CNST: variants seen among roughly 807,000 people sequenced by gnomAD.
CNST encodes consortin.
Under a neutral mutation model 72.4 loss-of-function variants are expected in CNST, and 39 were observed. The observed-to-expected ratio is 0.54, with a 90% CI of 0.42 to 0.70. The LOEUF (loss-of-function observed/expected upper bound fraction) is 0.70. Among genes scored for constraint, CNST ranks in the 30% least tolerant of loss-of-function variants. CNST has a pLI of 0.00. For missense variants in CNST, 871 were observed against 868.5 expected, an observed-to-expected ratio of 1.00 and a Z score of -0.04; for synonymous variants, 332 against 320.1, an observed-to-expected ratio of 1.04 and a Z score of -0.40.
intron 8 of CNST, 105 bp from the exon 9 acceptor site, chr1:246,647,034 G>A: frequency 3.9e-6 from 4 of 1,020,500 alleles, no homozygotes; most frequent in Middle Eastern, 2.5e-4. Flanking sequence ...CCATTTGAAA[G>A]GGTTAGAATA....
At chr1:246,592,939 CAT>C (rs1479749093) in intron 2 of CNST, among the ~76,000 whole-genome samples, 14 of 152,284 alleles carry the variant, frequency 9.2e-5, no homozygotes, top group African/African-American at 2.6e-4. Flanking sequence ...TTATCAGAAA[CAT>C]ATGGGACTAG....
chr1:246,632,057 GT>G, intron 4 of CNST, 133 bp downstream of exon 4: 1 of 589,986 alleles, frequency 1.7e-6, no homozygotes, highest in Non-Finnish European at 3.0e-6. Context: ...ACAGTTGTAT[GT>G]ACCCGTGTAA....
chr1:246,658,297 A>G (rs4402097), intron 9 of CNST, among the ~76,000 whole-genome samples: 40,977 of 152,084 alleles, frequency 0.27, 6,150 homozygotes, highest in African/African-American at 0.4. Flanking sequence ...CAAGGTGCTT[A>G]TAAAACCTGT....
At chr1:246,665,671 T>C in intron 10 of CNST, 29 bp from the exon 11 acceptor site, 1 of 1,589,806 alleles carries the variant, frequency 6.3e-7, no homozygotes, top group Non-Finnish European at 8.6e-7. Context: ...TCGGTGACAA[T>C]GTAACCTCAC....
At chr1:246,651,154 T>G (rs996111731) in intron 9 of CNST, among the ~76,000 whole-genome samples, 1 of 152,184 alleles carries the variant, frequency 6.6e-6, no homozygotes, top group Non-Finnish European at 1.5e-5. Context: ...TTATGCTTCC[T>G]TCCGTTTGTG....
intron 6 of CNST, among the ~76,000 whole-genome samples, chr1:246,635,732 T>A (rs1665174824): frequency 6.6e-6 from 1 of 152,202 alleles, no homozygotes; most frequent in African/African-American, 2.4e-5. Context: ...GTCTAATTAT[T>A]CTATTTAGCA....
At chr1:246,663,476 T>C (rs1017961704) in intron 10 of CNST, among the ~76,000 whole-genome samples, 5 of 152,088 alleles carry the variant, frequency 3.3e-5, no homozygotes, top group East Asian at 1.9e-4. Context: ...CGTGGTGGCT[T>C]ATGCCTGTAA....
At chr1:246,614,346 TTG>T in intron 2 of CNST, among the ~76,000 whole-genome samples, 1 of 152,180 alleles carries the variant, frequency 6.6e-6, no homozygotes, top group East Asian at 1.9e-4. Context: ...CTGTGGCATC[TTG>T]TCAGCACTAA....
intron 2 of CNST, among the ~76,000 whole-genome samples, chr1:246,616,089 A>G (rs1459659035): frequency 6.6e-6 from 1 of 152,216 alleles, no homozygotes; most frequent in Non-Finnish European, 1.5e-5. Flanking sequence ...GATGACAACG[A>G]TAAATAGAAC....
At position 246,647,340 on chromosome 1, in the gene CNST, C is replaced by G. The variant is rs1295451944; in HGVS notation, c.1139C>G (p.Thr380Arg). 7 of 1,614,134 alleles carry G rather than the reference C, an allele frequency of 4.3e-6. No homozygotes were observed. Among genetic ancestry groups the G allele is most frequent in the African/African-American group, 1.3e-5 (1 of 75,058 alleles). ...TLALHTQSSETAGSPSGPDSS... is the reference protein window; with the variant it reads ...TLALHTQSSERAGSPSGPDSS... ...GCGCTCCACACCCAGTCCTCCGAGACAGCAGGGAGCCCGTCTGGGCCAGAC... is the reference window on the plus strand; with the variant it reads ...GCGCTCCACACCCAGTCCTCCGAGAGAGCAGGGAGCCCGTCTGGGCCAGAC... Residue 380 changes from threonine (T) to arginine (R), a missense_variant, in exon 9 of 11, where the codon ACA becomes AGA. Coordinates refer to ENST00000366513, the MANE Select transcript of CNST (RefSeq NM_152609.3).
chr1:246,616,648 G>A (rs1037687026), intron 2 of CNST, among the ~76,000 whole-genome samples: 1 of 152,050 alleles, frequency 6.6e-6, no homozygotes, highest in Non-Finnish European at 1.5e-5. Flanking sequence ...TTCGCCTCCC[G>A]GGTTCAAGCA....
intron 6 of CNST, among the ~76,000 whole-genome samples, chr1:246,640,344 A>T (rs1665604285): frequency 6.6e-6 from 1 of 152,220 alleles, no homozygotes; most frequent in African/African-American, 2.4e-5. Flanking sequence ...GAGTAGTCTG[A>T]TGCTAGAAAG....
chr1:246,611,081 A>G (rs949746178), intron 2 of CNST, among the ~76,000 whole-genome samples: 2 of 152,188 alleles, frequency 1.3e-5, no homozygotes, highest in African/African-American at 4.8e-5. Context: ...GTAGCCCCAG[A>G]CAGATTAGAA....
At chr1:246,637,601 G>C (rs1448450482) in intron 6 of CNST, among the ~76,000 whole-genome samples, 1 of 152,160 alleles carries the variant, frequency 6.6e-6, no homozygotes, top group Non-Finnish European at 1.5e-5. Context: ...ACGACTGGTG[G>C]GTTTCTAGAG....
rs1173903983 is a variant in CNST at position 246,647,164 on chromosome 1, G to A, written c.963G>A (p.Glu321=). 5 of 1,613,446 alleles carry A rather than the reference G, an allele frequency of 3.1e-6. No homozygotes were observed. The highest frequency in any genetic ancestry group is 4.2e-6 in the Non-Finnish European group (5 of 1,179,794). Residue 321 remains glutamate, a synonymous_variant, in exon 9 of 11, where the codon GAG becomes GAA. Transcript: ENST00000366513. ...AGAGTAAAACTTGTCTCGGCACAGAGTCAAGTAAAGAAAGCCAACATACAG... is the reference window on the plus strand; with the variant it reads ...AGAGTAAAACTTGTCTCGGCACAGAATCAAGTAAAGAAAGCCAACATACAG... The part of the protein sequence containing the change: ...ESESKTCLGT[E]SSKESQHTVE...
intron 4 of CNST, among the ~76,000 whole-genome samples, chr1:246,632,798 T>G (rs1190597602): frequency 5.9e-5 from 9 of 152,218 alleles, no homozygotes; most frequent in Non-Finnish European, 1.0e-4. Context: ...AATTGAGTGT[T>G]TACAAAAGAC....
intron 3 of CNST, among the ~76,000 whole-genome samples, chr1:246,623,761 CAAA>C (rs1219693891): frequency 7.1e-6 from 1 of 140,608 alleles, no homozygotes; most frequent in African/African-American, 2.6e-5. Flanking sequence ...GACTCTGTCT[CAAA>C]AAAAAAGGGA....
At chr1:246,645,194 A>C (rs1020222979) in intron 8 of CNST, among the ~76,000 whole-genome samples, 3 of 152,098 alleles carry the variant, frequency 2.0e-5, no homozygotes, top group Non-Finnish European at 4.4e-5. Flanking sequence ...TCTGCAGGCA[A>C]TGTTTCAGGA....
At chr1:246,631,792 T>C in intron 3 of CNST, 102 bp from the exon 4 acceptor site, 1 of 794,696 alleles carries the variant, frequency 1.3e-6, no homozygotes, top group Non-Finnish European at 2.2e-6. Context: ...CTTAATTTGA[T>C]ATCAAAAACA....
Sources: allele counts gnomAD v4.1 joint callset (sites outside exome capture counted in the v4.1 genomes callset), GRCh38; gene constraint gnomAD v4.1.1; transcripts MANE v1.5; gene names NCBI Gene and HGNC (gene_info 2026-07-23, HGNC 2026-07-21).